NPAS3: variants seen among roughly 807,000 people sequenced by gnomAD.
NPAS3 encodes the protein neuronal PAS domain-containing protein 3.
In NPAS3, 14 loss-of-function variants were observed where a neutral mutation model predicts 73.1. The ratio of observed to expected loss-of-function variants is 0.19; its 90% CI spans 0.13 to 0.30. The LOEUF (loss-of-function observed/expected upper bound fraction) is 0.30. Among genes scored for constraint, NPAS3 ranks in the 10% least tolerant of loss-of-function variants. The pLI, the probability that NPAS3 is intolerant of heterozygous loss-of-function variation, is 1.00. For synonymous variants in NPAS3, 620 were observed against 541.5 expected (o/e 1.14, Z -2.01); for missense variants, 1,096 against 1,250.0 (o/e 0.88, Z 1.86).
intron 3 of NPAS3, among the ~76,000 whole-genome samples, chr14:33,284,091 A>G (rs1312486710): frequency 1.3e-5 from 2 of 152,166 alleles, no homozygotes; most frequent in Non-Finnish European, 2.9e-5. Flanking sequence ...GCATCTTTGT[A>G]AACTTATTTA....
At chr14:33,146,841 AG>A (rs571171175) in intron 2 of NPAS3, among the ~76,000 whole-genome samples, 215 of 152,354 alleles carry the variant, frequency 1.4e-3, no homozygotes, top group Non-Finnish European at 2.4e-3. Context: ...TGACTCGATC[AG>A]GGAAGATTTT....
At chr14:33,119,002 A>G (rs539256297) in intron 2 of NPAS3, among the ~76,000 whole-genome samples, 8 of 152,080 alleles carry the variant, frequency 5.3e-5, no homozygotes, top group African/African-American at 1.9e-4. Flanking sequence ...CTACATGGCA[A>G]TATTTTCCAA....
chr14:33,442,566 T>A (rs916855488), intron 4 of NPAS3, among the ~76,000 whole-genome samples: 25 of 152,208 alleles, frequency 1.6e-4, no homozygotes, highest in Non-Finnish European at 3.5e-4. Context: ...ATCCTCATGA[T>A]AGTAAGTTCT....
chr14:33,335,756 A>G (rs2044200254), intron 3 of NPAS3, among the ~76,000 whole-genome samples: 1 of 152,176 alleles, frequency 6.6e-6, no homozygotes, highest in Non-Finnish European at 1.5e-5. Context: ...CTTATAGCAT[A>G]CTACAGTCCA....
intron 5 of NPAS3, among the ~76,000 whole-genome samples, chr14:33,591,992 G>A (rs2057084831): frequency 6.6e-6 from 1 of 152,214 alleles, no homozygotes; most frequent in Admixed American, 6.5e-5. Context: ...CAACATTGCT[G>A]TGATGTAGAT....
At position 33,671,661 on chromosome 14, in the gene NPAS3, A is replaced by G. The variant is rs1455102030; in HGVS notation, c.559-4550A>G. 2.0e-5 allele frequency among the ~76,000 whole-genome samples: 3 copies of G among 152,324 alleles called. No individual in the cohort carries two copies. The East Asian group carries it at 5.8e-4, about 29-fold the overall frequency. On this transcript the variant is annotated intron_variant, in intron 5 of 11. Coordinates refer to ENST00000356141, the Ensembl canonical transcript of NPAS3. Reference sequence around the variant, plus strand: ...TATCTGCTGCCCCTGATGCATTCTCAGCTGTTTTGTAATACACTAAGCAAC... The same window carrying G: ...TATCTGCTGCCCCTGATGCATTCTCGGCTGTTTTGTAATACACTAAGCAAC...
chr14:33,112,407 T>A (rs1299246), intron 2 of NPAS3, among the ~76,000 whole-genome samples: 134,095 of 152,038 alleles, frequency 0.88, 59,178 homozygotes, highest in Middle Eastern at 0.95. Flanking sequence ...GATTTGCATT[T>A]CTCTGATGGC....
chr14:33,107,995 G>A (rs1281716784), intron 2 of NPAS3, among the ~76,000 whole-genome samples: 2 of 152,148 alleles, frequency 1.3e-5, no homozygotes, highest in Non-Finnish European at 2.9e-5. Context: ...TACCTGCAAT[G>A]AAAGAGGACT....
intron 7 of NPAS3, among the ~76,000 whole-genome samples, chr14:33,748,948 T>C (rs2061881782): frequency 6.6e-6 from 1 of 152,136 alleles, no homozygotes; most frequent in Non-Finnish European, 1.5e-5. Flanking sequence ...TATTGCCTCG[T>C]GGTCAAGGCT....
intron 4 of NPAS3, among the ~76,000 whole-genome samples, chr14:33,544,788 T>TTATACATATATATATATATATATA (rs1555409892): frequency 1.3e-4 from 8 of 63,264 alleles, no homozygotes; most frequent in African/African-American, 6.9e-4. Flanking sequence ...TGTGTGTGTA[T>TTATACATATATATATATATATATA]TATATATATA....
intron 1 of NPAS3, among the ~76,000 whole-genome samples, chr14:33,001,546 T>G (rs140909681): frequency 5.1e-4 from 77 of 152,288 alleles, no homozygotes; most frequent in African/African-American, 1.7e-3. Flanking sequence ...CACCACTCTC[T>G]CCTTTCCTAG....
Position 33,551,676 on chromosome 14 carries a change from A to G in NPAS3, c.469-8445A>G, listed in dbSNP as rs74505621. ...GGGGTCAGTGTTCTGGCCAGCTTGT[A>G]TGTGGTGTGGTCCAGTCTTACATAC... On this transcript the variant is annotated intron_variant, in intron 4 of 11. Coordinates refer to ENST00000356141, the Ensembl canonical transcript of NPAS3. Among the ~76,000 whole-genome samples the G allele has an allele frequency of 2.4e-4, 37 of 152,280 alleles. No homozygotes were observed. The East Asian group carries it at 6.0e-3, about 25-fold the overall frequency.
intron 5 of NPAS3, among the ~76,000 whole-genome samples, chr14:33,624,121 T>C (rs1005574286): frequency 1.1e-4 from 17 of 152,224 alleles, no homozygotes; most frequent in African/African-American, 3.9e-4. Context: ...TTTTCCATAA[T>C]ACTTGCCACC....
chr14:33,317,972 C>G (rs12586818), intron 3 of NPAS3, among the ~76,000 whole-genome samples: 13,404 of 152,006 alleles, frequency 0.088, 660 homozygotes, highest in Admixed American at 0.14. Flanking sequence ...GATCCATGAT[C>G]GAGCAACTCC....
chr14:33,251,747 T>G (rs934318840), intron 3 of NPAS3, among the ~76,000 whole-genome samples: 1 of 152,178 alleles, frequency 6.6e-6, no homozygotes, highest in Non-Finnish European at 1.5e-5. Context: ...CATTATGTCC[T>G]TGCTTCAATT....
intron 7 of NPAS3, among the ~76,000 whole-genome samples, chr14:33,746,457 G>A (rs1481378237): frequency 6.6e-6 from 1 of 150,622 alleles, no homozygotes; most frequent in East Asian, 1.9e-4. Context: ...AAAGTGCTAG[G>A]ATTACAGACG....
chr14:33,052,482 T>C (rs1319219024), intron 1 of NPAS3, among the ~76,000 whole-genome samples: 1 of 152,172 alleles, frequency 6.6e-6, no homozygotes, highest in East Asian at 1.9e-4. Context: ...CTTAAAACAA[T>C]ACATTAAGAA....
intron 3 of NPAS3, among the ~76,000 whole-genome samples, chr14:33,261,678 A>G (rs1330538441): frequency 6.6e-6 from 1 of 152,194 alleles, no homozygotes; most frequent in Non-Finnish European, 1.5e-5. Flanking sequence ...TCAGATCATC[A>G]TAATACAAAG....
intron 3 of NPAS3, among the ~76,000 whole-genome samples, chr14:33,303,969 A>G (rs7144662): frequency 0.75 from 114,783 of 152,068 alleles, 44,177 homozygotes; most frequent in African/African-American, 0.91. Flanking sequence ...GTGCAGTGGC[A>G]CCATCTCGGC....
Sources: gnomAD v4.1 joint callset for allele counts (sites outside exome capture counted in the v4.1 genomes callset) on GRCh38, gnomAD v4.1.1 for gene constraint, MANE v1.5 for transcripts, NCBI Gene and HGNC (gene_info 2026-07-23, HGNC 2026-07-21) for gene names.